Variants in ADGRL4 observed in about 807,000 individuals in gnomAD.
ADGRL4 encodes EGF, latrophilin and seven transmembrane domain containing 1.
Under a neutral mutation model 74.8 loss-of-function variants are expected in ADGRL4, and 90 were observed. The observed-to-expected ratio is 1.20, with a 90% CI of 1.02 to 1.43. The LOEUF (loss-of-function observed/expected upper bound fraction) is 1.43. Among genes scored for constraint, ADGRL4 ranks in the 40% most tolerant of loss-of-function variants. The pLI, the probability that ADGRL4 is intolerant of heterozygous loss-of-function variation, is 0.00. For synonymous variants in ADGRL4, 311 were observed against 279.2 expected (o/e 1.11, Z -1.14); for missense variants, 881 against 814.3 (o/e 1.08, Z -1.00).
chr1:78,986,285 T>C (rs1270509795), intron 2 of ADGRL4, among the ~76,000 whole-genome samples: 5 of 151,816 alleles, frequency 3.3e-5, no homozygotes, highest in Non-Finnish European at 7.4e-5. Flanking sequence ...AGCAGAACTA[T>C]GACTAATTGA....
rs535361183 is a variant in ADGRL4, at chr1:78,899,094, G to A, written c.1750-5905C>T. Among the ~76,000 whole-genome samples, 23 of 152,088 alleles carry A rather than the reference G, an allele frequency of 1.5e-4. 1 individual carries two copies. Among genetic ancestry groups the A allele is most frequent in the Non-Finnish European group, 2.1e-4 (14 of 67,990 alleles). On this transcript the variant is annotated intron_variant, in intron 12 of 14. Coordinates refer to ENST00000370742, the MANE Select transcript of ADGRL4 (RefSeq NM_022159.4). ...TAGATCTCATCGAAAAAAATGAAAAGATTTCTCTTACAGCACTTTTAGACC... is the reference window on the plus strand; with the variant it reads ...TAGATCTCATCGAAAAAAATGAAAAAATTTCTCTTACAGCACTTTTAGACC...
At chr1:78,942,633 AT>A (rs1257183313) in intron 3 of ADGRL4, among the ~76,000 whole-genome samples, 17 of 151,962 alleles carry the variant, frequency 1.1e-4, no homozygotes, top group Non-Finnish European at 1.9e-4. Flanking sequence ...ATCTTAACTC[AT>A]TTTTATTAAT....
intron 12 of ADGRL4, among the ~76,000 whole-genome samples, chr1:78,912,333 A>G (rs1480813443): frequency 1.3e-5 from 2 of 151,870 alleles, no homozygotes; most frequent in African/African-American, 4.8e-5. Context: ...CCTGGCCATG[A>G]TGAGTTGGAA....
intron 2 of ADGRL4, among the ~76,000 whole-genome samples, chr1:78,959,241 A>T (rs1649893998): frequency 6.6e-6 from 1 of 152,222 alleles, no homozygotes; most frequent in African/African-American, 2.4e-5. Context: ...ATTGAAGAAA[A>T]CAGAAATAGC....
chr1:78,926,900 A>C lies in ADGRL4; in HGVS notation c.1069T>G (p.Leu357Val). 1.2e-6 allele frequency: 2 copies of C among 1,611,054 alleles called. No individual in the cohort carries two copies. Among genetic ancestry groups the C allele is most frequent in the Admixed American group, 1.7e-5 (1 of 59,816 alleles). Reference protein sequence around the residue: ...LYELEKITFTLSHRKVTDRYR... With the variant: ...LYELEKITFTVSHRKVTDRYR... ...AAACAGCTTACCTTTCGATGACTTAATGTAAATGTTATTTTTTCAAGTTCA... is the reference window on the plus strand; with the variant it reads ...AAACAGCTTACCTTTCGATGACTTACTGTAAATGTTATTTTTTCAAGTTCA... The change falls in exon 8 of 15, where the codon TTA becomes GTA. Residue 357 changes from leucine (L) to valine (V), a missense_variant. Leu to Val is a conservative substitution (Grantham distance 32). Transcript: ENST00000370742.
At chr1:78,972,489 T>C (rs1419664708) in intron 2 of ADGRL4, among the ~76,000 whole-genome samples, 2 of 152,212 alleles carry the variant, frequency 1.3e-5, no homozygotes, top group African/African-American at 2.4e-5. Flanking sequence ...CCATAAAATA[T>C]AAGAGGCAAT....
At chr1:78,986,602 C>A (rs566853892) in intron 2 of ADGRL4, among the ~76,000 whole-genome samples, 1 of 151,572 alleles carries the variant, frequency 6.6e-6, no homozygotes, top group African/African-American at 2.4e-5. Flanking sequence ...CAGAATGAGA[C>A]TCTATCTCAA....
intron 2 of ADGRL4, among the ~76,000 whole-genome samples, chr1:78,995,450 A>T (rs1006027135): frequency 6.6e-6 from 1 of 152,208 alleles, no homozygotes; most frequent in Non-Finnish European, 1.5e-5. Flanking sequence ...AAAGAGTATC[A>T]TGGTGTGCCA....
At chr1:78,975,674 A>T (rs2100721380) in intron 2 of ADGRL4, among the ~76,000 whole-genome samples, 1 of 152,036 alleles carries the variant, frequency 6.6e-6, no homozygotes, top group Non-Finnish European at 1.5e-5. Flanking sequence ...CCTCAATAGT[A>T]TGCATTTGTC....
intron 3 of ADGRL4, among the ~76,000 whole-genome samples, chr1:78,941,230 T>C (rs1418792203): frequency 6.6e-6 from 1 of 152,184 alleles, no homozygotes; most frequent in Non-Finnish European, 1.5e-5. Context: ...CATTCTAGGC[T>C]GGGCTAAAGA....
chr1:78,975,029 A>G lies in ADGRL4; in HGVS notation c.173-28603T>C, dbSNP rs1410712649. Among the ~76,000 whole-genome samples, 4 of 152,294 alleles carry G rather than the reference A, an allele frequency of 2.6e-5. No individual in the cohort carries two copies. The East Asian group carries it at 7.7e-4, about 29-fold the overall frequency. On this transcript the variant is annotated intron_variant, in intron 2 of 14. Transcript: ENST00000370742. ...TACCTGTTTCATATGGTGAATAAAT[A>G]TGAACAAAACCAACAAACAGACTGT...
At chr1:78,963,189 G>A (rs1649988374) in intron 2 of ADGRL4, among the ~76,000 whole-genome samples, 1 of 152,190 alleles carries the variant, frequency 6.6e-6, no homozygotes, top group Admixed American at 6.5e-5. Context: ...GTATAAATAT[G>A]TCAAACATCT....
chr1:78,953,448 A>G (rs750977163), intron 2 of ADGRL4, among the ~76,000 whole-genome samples: 1 of 152,212 alleles, frequency 6.6e-6, no homozygotes, highest in Non-Finnish European at 1.5e-5. Flanking sequence ...CAAACGAAAA[A>G]CTATTAGAAT....
intron 12 of ADGRL4, among the ~76,000 whole-genome samples, chr1:78,906,914 C>T (rs1171219421): frequency 6.6e-6 from 1 of 151,882 alleles, no homozygotes; most frequent in African/African-American, 2.4e-5. Flanking sequence ...AAGAATTGTC[C>T]TTTTCTGACT....
rs1053423241 is a variant in ADGRL4, at chr1:78,982,481, T to C, written c.172+22589A>G. ...TTAGCTTCAGGGTTGATTAATTTGG[T>C]AGCACAACCATGTCATCAAGGTTAT... On this transcript the variant is annotated intron_variant, in intron 2 of 14. Transcript: ENST00000370742. Among the ~76,000 whole-genome samples, 3 of 152,048 alleles carry C rather than the reference T, an allele frequency of 2.0e-5. No homozygotes were observed. In the South Asian group the frequency reaches 6.2e-4, roughly 31 times the overall value.
chr1:78,892,427 T>C (rs1043084782), intron 13 of ADGRL4, among the ~76,000 whole-genome samples: 1 of 152,156 alleles, frequency 6.6e-6, no homozygotes, highest in Non-Finnish European at 1.5e-5. Flanking sequence ...CTCTCATTCA[T>C]TTTTAGTCCA....
chr1:78,994,284 T>C (rs529249780), intron 2 of ADGRL4, among the ~76,000 whole-genome samples: 1 of 152,320 alleles, frequency 6.6e-6, no homozygotes, highest in South Asian at 2.1e-4. Flanking sequence ...GAGATGGGAT[T>C]ACATCTGAAG....
At chr1:78,995,998 TAAAA>T (rs1484160785) in intron 2 of ADGRL4, among the ~76,000 whole-genome samples, 2 of 152,174 alleles carry the variant, frequency 1.3e-5, no homozygotes, top group Non-Finnish European at 2.9e-5. Flanking sequence ...GTCCAATAAT[TAAAA>T]CGTGGAGGAT....
At chr1:78,954,930 G>T (rs112313178) in intron 2 of ADGRL4, among the ~76,000 whole-genome samples, 1 of 152,014 alleles carries the variant, frequency 6.6e-6, no homozygotes, top group African/African-American at 2.4e-5. Flanking sequence ...GACCAAAAAT[G>T]TAATTAATAA....
Sources: allele counts gnomAD v4.1 joint callset (sites outside exome capture counted in the v4.1 genomes callset), GRCh38; gene constraint gnomAD v4.1.1; transcripts MANE v1.5; gene names NCBI Gene and HGNC (gene_info 2026-07-23, HGNC 2026-07-21).